The following PRUNE2 variants were observed in gnomAD, a reference collection of about 807,000 sequenced individuals.
PRUNE2 encodes the protein protein prune homolog 2.
In PRUNE2, 164 loss-of-function variants were observed where a neutral mutation model predicts 252.0. That is an observed-to-expected ratio of 0.65 (90% CI 0.57 to 0.74). The LOEUF (loss-of-function observed/expected upper bound fraction) is 0.74. PRUNE2 is among the 30% of genes least tolerant of loss of function. The pLI is 0.00. For missense variants in PRUNE2, 3,495 were observed against 3,711.0 expected (o/e 0.94, Z 1.51); for synonymous variants, 1,292 against 1,350.2 (o/e 0.96, Z 0.94).
chr9:76,685,292 C>A (rs1390399287), intron 9 of PRUNE2, among the ~76,000 whole-genome samples: 1 of 152,148 alleles, frequency 6.6e-6, no homozygotes, highest in African/African-American at 2.4e-5. Flanking sequence ...ATGGATCCCC[C>A]TGAAGGGATG....
chr9:76,705,824 T>A lies in PRUNE2; in HGVS notation c.6450A>T (p.Gly2150=). ...CTGCATTGGATGGGACAAACTCCCG[T>A]CCAGGCTCATAAATGGGTTCTTCAT... The part of the protein sequence containing the change: ...EIDEEPIYEP[G]REFVPSNAEL... The change falls in exon 8 of 19, where the codon GGA becomes GGT. Residue 2150 remains glycine, a synonymous_variant. Coordinates refer to ENST00000376718, the MANE Select transcript of PRUNE2 (RefSeq NM_015225.3). 6.2e-7 allele frequency: 1 copy of A among 1,613,664 alleles called. No individual in the cohort carries two copies. The highest frequency in any genetic ancestry group is 1.1e-5 in the South Asian group (1 of 91,082).
chr9:76,617,730 C>T (rs1251919142), intron 18 of PRUNE2, among the ~76,000 whole-genome samples: 3 of 152,156 alleles, frequency 2.0e-5, no homozygotes, highest in Admixed American at 6.5e-5. Flanking sequence ...AGACAGGAAG[C>T]AATGGTTGCC....
rs1431570216 is a variant in PRUNE2, at chr9:76,707,348, T to C, written c.4926A>G (p.Thr1642=). ...DSFSSLSSPE[T]GKYSEHSGTH... Reference sequence around the variant, plus strand: ...TCCCTGAATGTTCAGAATATTTGCCTGTTTCAGGACTGGATAAAGAGGAAA... The same window carrying C: ...TCCCTGAATGTTCAGAATATTTGCCCGTTTCAGGACTGGATAAAGAGGAAA... Residue 1642 remains threonine, a synonymous_variant, in exon 8 of 19, where the codon ACA becomes ACG. Coordinates refer to ENST00000376718, the MANE Select transcript of PRUNE2 (RefSeq NM_015225.3). 3.1e-6 allele frequency: 5 copies of C among 1,613,858 alleles called. No homozygotes were observed. The highest frequency in any genetic ancestry group is 1.7e-5 in the Admixed American group (1 of 59,996).
chr9:76,904,898 T>C (rs2133800932), intron 1 of PRUNE2, among the ~76,000 whole-genome samples: 1 of 152,304 alleles, frequency 6.6e-6, no homozygotes, highest in Admixed American at 6.5e-5. Context: ...CGAGGGTAAA[T>C]GAGTTACAGT....
intron 9 of PRUNE2, among the ~76,000 whole-genome samples, chr9:76,690,020 A>G (rs1044348074): frequency 9.2e-5 from 14 of 152,276 alleles, no homozygotes; most frequent in African/African-American, 3.1e-4. Flanking sequence ...TTCTTCTCCA[A>G]TGCCCCTCTT....
At chr9:76,694,507 C>A (rs140831830) in intron 9 of PRUNE2, among the ~76,000 whole-genome samples, 27 of 152,248 alleles carry the variant, frequency 1.8e-4, no homozygotes, top group Non-Finnish European at 2.9e-4. Flanking sequence ...ATAATAATAT[C>A]TGTTTTGGAA....
intron 9 of PRUNE2, among the ~76,000 whole-genome samples, chr9:76,691,654 C>T (rs753218802): frequency 4.6e-5 from 7 of 152,208 alleles, no homozygotes; most frequent in Non-Finnish European, 7.3e-5. Flanking sequence ...TCTACCAGAG[C>T]TGTCCTGCTT....
chr9:76,637,287 C>A, intron 14 of PRUNE2, 131 bp downstream of exon 14: 3 of 895,064 alleles, frequency 3.4e-6, no homozygotes. Flanking sequence ...GCAACTTAGA[C>A]AATTTATTTG....
At chr9:76,729,756 A>AT (rs909163596) in intron 6 of PRUNE2, among the ~76,000 whole-genome samples, 28 of 152,050 alleles carry the variant, frequency 1.8e-4, no homozygotes, top group African/African-American at 6.8e-4. Flanking sequence ...CTTTTAAAGT[A>AT]TTTTTTTCTT....
Position 76,820,793 on chromosome 9 carries a change from G to T in PRUNE2, c.756+2839C>A, listed in dbSNP as rs577268653. 2.0e-5 allele frequency among the ~76,000 whole-genome samples: 3 copies of T among 152,284 alleles called. No homozygotes were observed. In the South Asian group the frequency reaches 6.2e-4, roughly 32 times the overall value. On this transcript the variant is annotated intron_variant, in intron 6 of 18. Transcript: ENST00000376718. ...AACCATAGTTGTCTGGAAGAAACTG[G>T]TTGGGAGAGGAAAAAGTAGGCTGCT... is the stretch of plus-strand genomic sequence containing the variant.
At chr9:76,828,055 T>C (rs1589436034) in intron 4 of PRUNE2, among the ~76,000 whole-genome samples, 1 of 152,044 alleles carries the variant, frequency 6.6e-6, no homozygotes, top group East Asian at 1.9e-4. Flanking sequence ...AGATTAGAGG[T>C]TACAAATAAG....
chr9:76,733,460 G>A (rs1453666771), intron 6 of PRUNE2: 1 of 152,184 alleles, frequency 6.6e-6, no homozygotes, highest in Admixed American at 6.5e-5. Context: ...CCAGGCTGAA[G>A]TGCAGTTGCA....
intron 6 of PRUNE2, chr9:76,739,302 A>G (rs1571446): frequency 0.18 from 26,676 of 152,018 alleles, 2,752 homozygotes; most frequent in East Asian, 0.49. Flanking sequence ...CTCTGTCATT[A>G]AGTAGTGATG....
chr9:76,843,744 T>C (rs983422169), intron 4 of PRUNE2, among the ~76,000 whole-genome samples: 1 of 138,868 alleles, frequency 7.2e-6, no homozygotes, highest in Non-Finnish European at 1.5e-5. Flanking sequence ...TTTTTTTTTT[T>C]TGAGATGGAG....
chr9:76,848,406 T>G (rs2059781276), intron 3 of PRUNE2, among the ~76,000 whole-genome samples: 1 of 152,192 alleles, frequency 6.6e-6, no homozygotes, highest in Non-Finnish European at 1.5e-5. Context: ...TCAAAAAAAT[T>G]TCATTTGTTT....
At chr9:76,625,589 A>G (rs916932043) in intron 16 of PRUNE2, among the ~76,000 whole-genome samples, 23 of 152,228 alleles carry the variant, frequency 1.5e-4, no homozygotes, top group African/African-American at 5.5e-4. Context: ...AAATATATGC[A>G]GTCAAACCTC....
At position 76,752,198 on chromosome 9, in the gene PRUNE2, C is replaced by T. The variant is rs189866134; in HGVS notation, c.757-38477G>A. 6.5e-3 allele frequency among the ~76,000 whole-genome samples: 993 copies of T among 151,824 alleles called. 11 individuals carry two copies. The highest frequency in any genetic ancestry group is 0.022 in the African/African-American group (931 of 41,410). ...CTGCAAACTCCGCCTCCTGGGTTCA[C>T]GCCATTCTCCTGCCTCAGCCTCCCA... On this transcript the variant is annotated intron_variant, in intron 6 of 18. Coordinates refer to ENST00000376718, the MANE Select transcript of PRUNE2 (RefSeq NM_015225.3).
intron 1 of PRUNE2, among the ~76,000 whole-genome samples, chr9:76,897,570 C>G (rs12551198): frequency 6.6e-6 from 1 of 151,780 alleles, no homozygotes; most frequent in South Asian, 2.1e-4. Flanking sequence ...CACACCACCA[C>G]GCCCAGTTAA....
chr9:76,662,500 G>A (rs1350967999), intron 9 of PRUNE2, among the ~76,000 whole-genome samples: 7 of 152,140 alleles, frequency 4.6e-5, no homozygotes, highest in African/African-American at 7.2e-5. Context: ...TTTTTTCAAC[G>A]TATCTGAATC....
Sources: gnomAD v4.1 joint callset for allele counts (sites outside exome capture counted in the v4.1 genomes callset) on GRCh38, gnomAD v4.1.1 for gene constraint, MANE v1.5 for transcripts, NCBI Gene and HGNC (gene_info 2026-07-23, HGNC 2026-07-21) for gene names.